The following SNX17 variants were observed in gnomAD, a reference collection of about 807,000 sequenced individuals.
SNX17 encodes sorting nexin-17.
SNX17 carries 35 observed loss-of-function variants against 64.3 expected under a neutral mutation model. That is an observed-to-expected ratio of 0.54 (90% CI 0.42 to 0.72). The LOEUF (loss-of-function observed/expected upper bound fraction) is 0.72. Among genes scored for constraint, SNX17 ranks in the 30% least tolerant of loss-of-function variants. The probability of loss-of-function intolerance (pLI) is 0.00; values close to 1 mark genes in which losing one functional copy is unlikely to be tolerated. For synonymous variants in SNX17, 259 were observed against 230.2 expected, an observed-to-expected ratio of 1.13 and a Z score of -1.13; for missense variants, 538 against 610.0, an observed-to-expected ratio of 0.88 and a Z score of 1.24.
chr2:27,373,443 A>G (rs1379584971), intron 4 of SNX17, 132 bp downstream of exon 4: 4 of 851,678 alleles, frequency 4.7e-6, no homozygotes, highest in Admixed American at 4.7e-5. Context: ...GCTCACTGCA[A>G]TCTCCGCCTC....
intron 6 of SNX17, 35 bp from the exon 7 acceptor site, chr2:27,374,311 C>G (rs1266337704): frequency 6.3e-7 from 1 of 1,581,802 alleles, no homozygotes; most frequent in Admixed American, 1.7e-5. Context: ...CTTTAAATCT[C>G]ACTATATTTT....
intron 7 of SNX17, 109 bp downstream of exon 7, chr2:27,374,542 G>A: frequency 1.6e-6 from 2 of 1,257,094 alleles, no homozygotes; most frequent in South Asian, 1.2e-5. Flanking sequence ...AGTGCTGGGT[G>A]TTTCTGCCAG....
intron 6 of SNX17, 39 bp downstream of exon 6, chr2:27,374,214 T>TTA: frequency 1.3e-6 from 2 of 1,586,774 alleles, no homozygotes; most frequent in Non-Finnish European, 1.7e-6. Context: ...CAAGGGTACT[T>TTA]CAGTAGAGTT....
Position 27,376,865 on chromosome 2 carries a change from C to G in SNX17, c.*146C>G. 1.5e-6 allele frequency: 1 copy of G among 657,134 alleles called. No individual in the cohort carries two copies. Among genetic ancestry groups the G allele is most frequent in the South Asian group, 1.9e-5 (1 of 53,066 alleles). 40.7% of individuals were successfully genotyped at this position (657,134 alleles called of 1,614,324 possible). ...TTTCTCTTGGCCAGGGGCCTCGTAT[C>G]CTACCTTTCCTTGTCCCCTGGGCTG... is the stretch of plus-strand genomic sequence containing the variant. On this transcript the variant is annotated 3_prime_UTR_variant, in exon 15 of 15. Transcript: ENST00000233575.
In SNX17 at chr2:27,374,713, C is replaced by T. The variant is rs372965338; in HGVS notation, c.636C>T (p.Asp212=). Residue 212 remains aspartate, a synonymous_variant, in exon 8 of 15, where the codon GAC becomes GAT. Transcript: ENST00000233575. ...GTTATTGGGACTCTGCCTATGATGA[C>T]GATGTCATGGAGAACCGGGTTGGCC... The part of the protein sequence containing the change: ...RKSYWDSAYD[D]DVMENRVGLN... The T allele has an allele frequency of 5.8e-5, 94 of 1,614,000 alleles. No homozygotes were observed. Among genetic ancestry groups the T allele is most frequent in the Middle Eastern group, 4.9e-4 (3 of 6,084 alleles).
Position 27,375,472 on chromosome 2 carries a change from C to T in SNX17, c.775-34C>T, listed in dbSNP as rs990632005. 1.9e-6 allele frequency: 3 copies of T among 1,612,700 alleles called. No homozygotes were observed. The highest frequency in any genetic ancestry group is 1.7e-4 in the Middle Eastern group (1 of 6,060). ...TTTTCTGAGCTGCCCCATTCTCCCT[C>T]CTAATCTACCCCCATGTGATGACCA... On this transcript the variant is annotated intron_variant, in intron 9 of 14. Coordinates refer to ENST00000233575, the MANE Select transcript of SNX17 (RefSeq NM_014748.4). This position sits in a 1 kb window ranked among gnomAD's most constrained non-coding sequence, Gnocchi z 4.1.
At chr2:27,374,999 A>T in intron 8 of SNX17, 62 bp from the exon 9 acceptor site, 1 of 1,460,700 alleles carries the variant, frequency 6.8e-7, no homozygotes, top group Non-Finnish European at 9.6e-7. Context: ...AGGTAATGGT[A>T]GACGCTTTCC....
At position 27,370,741 on chromosome 2, in the gene SNX17, A is replaced by T. The variant is rs1339907779; in HGVS notation, c.-3A>T. The T allele has an allele frequency of 6.5e-7, 1 of 1,549,274 alleles. No homozygotes were observed. Reference sequence around the variant, plus strand: ...AGCCCGGCCGTGCCGTGCCGTAGGGAACATGCACTTTTCCATTCCCGAAAC... The same window carrying T: ...AGCCCGGCCGTGCCGTGCCGTAGGGTACATGCACTTTTCCATTCCCGAAAC... On this transcript the variant is annotated 5_prime_UTR_variant, in exon 1 of 15. Transcript: ENST00000233575.
rs950315120 is a variant in SNX17 at position 27,374,181 on chromosome 2, T to A, written c.523+6T>A. The A allele has an allele frequency of 6.2e-7, 1 of 1,613,060 alleles. No individual in the cohort carries two copies. Among genetic ancestry groups the A allele is most frequent in the Non-Finnish European group, 8.5e-7 (1 of 1,179,606 alleles). ...AGAGGATGGAGCCTTTTCTTGTGAG[T>A]TTCTCTGGACTTGACTGCAGTACAA... On this transcript the variant is annotated splice_donor_region_variant and intron_variant, in intron 6 of 14. Coordinates refer to ENST00000233575, the MANE Select transcript of SNX17 (RefSeq NM_014748.4).
chr2:27,373,522 C>A, intron 4 of SNX17: 1 of 569,790 alleles, frequency 1.8e-6, no homozygotes, highest in Non-Finnish European at 3.1e-6. Context: ...GCCACCATGT[C>A]CGGCTCATTT....
rs753288919 is a variant in SNX17 at position 27,377,485 on chromosome 2, G to A, written c.*766G>A. 3.7e-4 allele frequency: 578 copies of A among 1,565,836 alleles called. No homozygotes were observed. Among genetic ancestry groups the A allele is most frequent in the Non-Finnish European group, 4.8e-4 (550 of 1,139,364 alleles). On this transcript the variant is annotated 3_prime_UTR_variant, in exon 15 of 15. Transcript: ENST00000233575. The surrounding 1 kb of genome is among the most constrained non-coding windows in gnomAD (Gnocchi z 4.4). ...AGTCTGTGTGGAGCCCCTGGCCAGCGGGGGAGAAAAAGGTGGCTTCTGGTC... is the reference window on the plus strand; with the variant it reads ...AGTCTGTGTGGAGCCCCTGGCCAGCAGGGGAGAAAAAGGTGGCTTCTGGTC...
chr2:27,370,665 C>T lies in SNX17; in HGVS notation c.-79C>T, dbSNP rs748069063. ...TGGCGAGTGAGGCTGCGGGGACTCGCTGAGCAGCGGAGGGGGAGCGTGCAG... is the reference window on the plus strand; with the variant it reads ...TGGCGAGTGAGGCTGCGGGGACTCGTTGAGCAGCGGAGGGGGAGCGTGCAG... On this transcript the variant is annotated 5_prime_UTR_variant, in exon 1 of 15. Coordinates refer to ENST00000233575, the MANE Select transcript of SNX17 (RefSeq NM_014748.4). The T allele has an allele frequency of 1.0e-5, 15 of 1,478,166 alleles. No homozygotes were observed. In the African/African-American group the frequency reaches 1.8e-4, roughly 18 times the overall value. The allele number at this position is 1,478,166 out of a possible 1,614,324, so 91.6% of individuals were successfully genotyped here. A position where few individuals can be genotyped will look rare whatever the true frequency, so the allele number is the denominator to read the frequency against.
In SNX17 at chr2:27,376,326, G is replaced by A. The variant is rs747636594; in HGVS notation, c.1196G>A (p.Arg399Gln). 2.0e-5 allele frequency: 33 copies of A among 1,611,792 alleles called. No individual in the cohort carries two copies. Among genetic ancestry groups the A allele is most frequent in the South Asian group, 1.1e-4 (10 of 90,976 alleles). ...GGSIRKMLRR[R>Q]VGGTLRRSDS... is the part of the protein sequence containing the mutation. ...GTCTGTCCCCAGATGCTGCGCCGGC[G>A]GGTGGGGGGTACTCTGAGACGCTCA... The change falls in exon 13 of 15, where the codon CGG becomes CAG. Residue 399 changes from arginine (R) to glutamine (Q), a missense_variant. Transcript: ENST00000233575.
intron 2 of SNX17, among the ~76,000 whole-genome samples, chr2:27,371,891 T>C (rs1022254407): frequency 1.3e-5 from 2 of 151,822 alleles, no homozygotes; most frequent in African/African-American, 4.9e-5. Flanking sequence ...AGTTACCTGA[T>C]ATCTTTTTTT....
Position 27,373,965 on chromosome 2 carries a change from C to T in SNX17, c.426C>T (p.Val142=), listed in dbSNP as rs1376020377. 6.2e-7 allele frequency: 1 copy of T among 1,613,934 alleles called. No individual in the cohort carries two copies. The highest frequency in any genetic ancestry group is 1.3e-5 in the African/African-American group (1 of 74,934). The change falls in exon 5 of 15, where the codon GTC becomes GTT. Residue 142 remains valine, a synonymous_variant. Transcript: ENST00000233575. The part of the protein sequence containing the change: ...NVLTSDQTED[V]LEAVAAKLDL... ...TAACTTCAGATCAGACTGAGGATGT[C>T]CTGGAGGTGAGGCGCTTGTTCAGCA...
At position 27,374,670 on chromosome 2, in the gene SNX17, C is replaced by A. The variant is rs1239733107; in HGVS notation, c.612-19C>A. On this transcript the variant is annotated intron_variant, in intron 7 of 14. Coordinates refer to ENST00000233575, the MANE Select transcript of SNX17 (RefSeq NM_014748.4). ...CCCAGCTTAGCCCCATTACCCCTTTCCACCCCTTGGCCTCACAGTTATTGG... is the reference window on the plus strand; with the variant it reads ...CCCAGCTTAGCCCCATTACCCCTTTACACCCCTTGGCCTCACAGTTATTGG... 6.2e-7 allele frequency: 1 copy of A among 1,613,642 alleles called. No individual in the cohort carries two copies. Among genetic ancestry groups the A allele is most frequent in the African/African-American group, 1.3e-5 (1 of 75,032 alleles).
At chr2:27,376,261 AGAGG>A in intron 12 of SNX17, 48 bp from the exon 13 acceptor site, 3 of 1,612,604 alleles carry the variant, frequency 1.9e-6, no homozygotes, top group Middle Eastern at 1.7e-4. Flanking sequence ...GCTTGTCTTG[AGAGG>A]GAGGGGAAGT....
intron 6 of SNX17, 78 bp downstream of exon 6, chr2:27,374,253 C>T: frequency 1.0e-5 from 15 of 1,505,040 alleles, no homozygotes; most frequent in Non-Finnish European, 1.3e-5. Context: ...CCACCCCCAC[C>T]CCCAGAATGA....
Position 27,375,445 on chromosome 2 carries a change from C to A in SNX17, c.775-61C>A. ...GAGCCACCGCGCCCGACCGGGGTTG[C>A]TTTTTCTGAGCTGCCCCATTCTCCC... On this transcript the variant is annotated intron_variant, in intron 9 of 14. Coordinates refer to ENST00000233575, the MANE Select transcript of SNX17 (RefSeq NM_014748.4). The surrounding 1 kb of genome is among the most constrained non-coding windows in gnomAD (Gnocchi z 4.1). 1 of 1,599,414 alleles carries A rather than the reference C, an allele frequency of 6.3e-7. No individual in the cohort carries two copies.
Sources: allele counts gnomAD v4.1 joint callset (sites outside exome capture counted in the v4.1 genomes callset), GRCh38; gene constraint gnomAD v4.1.1; non-coding constraint Gnocchi (gnomAD v3.1); transcripts MANE v1.5; gene names NCBI Gene and HGNC (gene_info 2026-07-23, HGNC 2026-07-21).